Variants in RYR2 observed in about 807,000 individuals in gnomAD.
RYR2 encodes cardiac muscle ryanodine receptor-calcium release channel.
In RYR2, 227 loss-of-function variants were observed where a neutral mutation model predicts 601.1. The ratio of observed to expected loss-of-function variants is 0.38; its 90% confidence interval spans 0.34 to 0.42. The LOEUF (loss-of-function observed/expected upper bound fraction) is 0.42, where lower values mean the gene tolerates loss of function less well. Ranked by LOEUF, RYR2 falls within the 10% of genes least tolerant of loss-of-function variation. The probability of loss-of-function intolerance (pLI) is 1.00; values close to 1 mark genes in which losing one functional copy is unlikely to be tolerated. For synonymous variants in RYR2, 2,223 were observed against 2,175.1 expected (o/e 1.02, Z -0.61); for missense variants, 4,646 against 6,156.5 (o/e 0.75, Z 8.21).
chr1:237,682,592 C>G (rs972929191), intron 62 of RYR2, among the ~76,000 whole-genome samples: 15 of 152,026 alleles, frequency 9.9e-5, no homozygotes, highest in African/African-American at 3.6e-4. Flanking sequence ...TAGGCTATAC[C>G]ATTTAGGTTT....
intron 1 of RYR2, among the ~76,000 whole-genome samples, chr1:237,187,042 A>C (rs1029949655): frequency 6.6e-6 from 1 of 152,166 alleles, no homozygotes; most frequent in African/African-American, 2.4e-5. Context: ...CTTTTTGCGA[A>C]CTCTGAAAGT....
chr1:237,247,711 T>A (rs1390633145), intron 1 of RYR2, among the ~76,000 whole-genome samples: 2 of 152,056 alleles, frequency 1.3e-5, no homozygotes, highest in Non-Finnish European at 2.9e-5. Context: ...CCAGGAGTAT[T>A]GAGGTACCAG....
chr1:237,121,838 T>C (rs138697245), intron 1 of RYR2, among the ~76,000 whole-genome samples: 13 of 152,320 alleles, frequency 8.5e-5, no homozygotes, highest in South Asian at 4.1e-4. Flanking sequence ...AGATATGGGA[T>C]ATAAAAATTT....
chr1:237,372,468 C>G (rs1193090890), intron 6 of RYR2, among the ~76,000 whole-genome samples: 1 of 152,142 alleles, frequency 6.6e-6, no homozygotes, highest in Non-Finnish European at 1.5e-5. Context: ...TATGTTTTAT[C>G]TACCATTGCT....
At chr1:237,198,697 C>T (rs892132269) in intron 1 of RYR2, among the ~76,000 whole-genome samples, 1 of 151,950 alleles carries the variant, frequency 6.6e-6, no homozygotes, top group Non-Finnish European at 1.5e-5. Flanking sequence ...AAATAATCTT[C>T]CCATTGGATT....
intron 76 of RYR2, 24 bp downstream of exon 76, chr1:237,727,223 A>G: frequency 8.7e-7 from 1 of 1,154,916 alleles, no homozygotes; most frequent in Non-Finnish European, 1.2e-6. Context: ...TATTTTTTGT[A>G]ATAGATCAAT....
chr1:237,127,904 G>A (rs1671703035), intron 1 of RYR2, among the ~76,000 whole-genome samples: 1 of 151,614 alleles, frequency 6.6e-6, no homozygotes, highest in Admixed American at 6.6e-5. Context: ...TTCCAGACTG[G>A]GCAGCCAGGC....
intron 2 of RYR2, among the ~76,000 whole-genome samples, chr1:237,275,832 A>C (rs915877914): frequency 1.3e-5 from 2 of 152,182 alleles, no homozygotes; most frequent in African/African-American, 4.8e-5. Context: ...TAGGAATAAT[A>C]CAAATATAAC....
chr1:237,348,153 A>G (rs12023820), intron 3 of RYR2, among the ~76,000 whole-genome samples: 21,431 of 152,072 alleles, frequency 0.14, 1,679 homozygotes, highest in East Asian at 0.33. Flanking sequence ...GTTGGTGGTG[A>G]CGTTTTTATT....
At chr1:237,129,789 A>G (rs1386864159) in intron 1 of RYR2, among the ~76,000 whole-genome samples, 1 of 152,050 alleles carries the variant, frequency 6.6e-6, no homozygotes, top group Non-Finnish European at 1.5e-5. Flanking sequence ...TCTTGGCAAC[A>G]TGAATGAACT....
intron 1 of RYR2, among the ~76,000 whole-genome samples, chr1:237,197,756 A>G (rs1164431687): frequency 6.6e-6 from 1 of 152,256 alleles, no homozygotes; most frequent in Non-Finnish European, 1.5e-5. Context: ...GAACAGCTAC[A>G]GTGTACTTAA....
chr1:237,301,752 T>C (rs1693371462), intron 2 of RYR2, among the ~76,000 whole-genome samples: 1 of 152,206 alleles, frequency 6.6e-6, no homozygotes, highest in Admixed American at 6.5e-5. Context: ...CCTTTTCTTT[T>C]CCCTCCTCTT....
chr1:237,173,827 C>A lies in RYR2; in HGVS notation c.49-96670C>A, dbSNP rs1021220180. On this transcript the variant is annotated intron_variant, in intron 1 of 104. Coordinates refer to ENST00000366574, the MANE Select transcript of RYR2 (RefSeq NM_001035.3). ...ATCCCAGCACTTTGGGAGGCCGAGG[C>A]GGGCAGATCACGAGGTCAGGAGATC... is the stretch of plus-strand genomic sequence containing the variant. 2.1e-5 allele frequency among the ~76,000 whole-genome samples: 3 copies of A among 145,820 alleles called. No homozygotes were observed. In the Admixed American group the frequency reaches 2.1e-4, roughly 10 times the overall value.
chr1:237,762,935 TTTTG>T (rs1365775953), intron 84 of RYR2, among the ~76,000 whole-genome samples: 3 of 152,260 alleles, frequency 2.0e-5, no homozygotes, highest in Admixed American at 6.5e-5. Flanking sequence ...ATGAACTGTC[TTTTG>T]TTTATTTGCT....
At chr1:237,125,449 A>G (rs977167878) in intron 1 of RYR2, among the ~76,000 whole-genome samples, 2 of 151,956 alleles carry the variant, frequency 1.3e-5, no homozygotes, top group African/African-American at 4.8e-5. Context: ...GCAGACTTAT[A>G]GATCCTTACT....
intron 89 of RYR2, among the ~76,000 whole-genome samples, chr1:237,782,317 T>G (rs1695191982): frequency 1.3e-5 from 2 of 152,094 alleles, no homozygotes; most frequent in African/African-American, 4.8e-5. Context: ...ACATCTCCAT[T>G]TTTTCAGTTT....
At chr1:237,232,619 A>G (rs1375410240) in intron 1 of RYR2, among the ~76,000 whole-genome samples, 2 of 152,166 alleles carry the variant, frequency 1.3e-5, no homozygotes, top group Non-Finnish European at 2.9e-5. Flanking sequence ...CATGCTCCAG[A>G]TCCTCGCAAC....
In RYR2 at chr1:237,395,564, T is replaced by TTTTTTG. The variant is rs1400077755; in HGVS notation, c.773+7381_773+7382insTTTTTG. On this transcript the variant is annotated intron_variant, in intron 10 of 104. Coordinates refer to ENST00000366574, the MANE Select transcript of RYR2 (RefSeq NM_001035.3). Reference sequence around the variant, plus strand: ...TTTTTTTTTTTTTTTTTTTTTTTTTTGAGACAGAGTCTCGCTTTGTTCCCC... The same window carrying TTTTTTG: ...TTTTTTTTTTTTTTTTTTTTTTTTTTTTTTTGGAGACAGAGTCTCGCTTTGTTCCCC... Among the ~76,000 whole-genome samples, 44 of 77,638 alleles carry TTTTTTG rather than the reference T, an allele frequency of 5.7e-4. 2 individuals carry two copies. Among genetic ancestry groups the TTTTTTG allele is most frequent in the South Asian group, 1.9e-3 (4 of 2,162 alleles). The allele number at this position is 77,638 out of a possible 152,430, so 50.9% of individuals were successfully genotyped here.
At chr1:237,725,401 G>T (rs1159591243) in intron 74 of RYR2, among the ~76,000 whole-genome samples, 1 of 152,090 alleles carries the variant, frequency 6.6e-6, no homozygotes, top group Admixed American at 6.6e-5. Context: ...AGCGTGCAAA[G>T]AATATTTTAA....
Sources: gnomAD v4.1 joint callset for allele counts (sites outside exome capture counted in the v4.1 genomes callset) on GRCh38, gnomAD v4.1.1 for gene constraint, MANE v1.5 for transcripts, NCBI Gene and HGNC (gene_info 2026-07-23, HGNC 2026-07-21) for gene names.